The following NPSR1 variants were observed in gnomAD, a reference collection of about 807,000 sequenced individuals.
NPSR1 encodes neuropeptide S receptor.
Under a neutral mutation model 46.9 loss-of-function variants are expected in NPSR1, and 48 were observed. That is an observed-to-expected ratio of 1.02 (90% CI 0.81 to 1.30). The LOEUF (loss-of-function observed/expected upper bound fraction) is 1.30. NPSR1 is among the 50% of genes most tolerant of loss of function. NPSR1 has a pLI of 0.00. For missense variants in NPSR1, 450 were observed against 449.5 expected, an observed-to-expected ratio of 1.00 and a Z score of -0.01; for synonymous variants, 176 against 168.1, an observed-to-expected ratio of 1.05 and a Z score of -0.36.
chr7:34,817,992 C>T (rs887626332), intron 4 of NPSR1, among the ~76,000 whole-genome samples: 1 of 152,118 alleles, frequency 6.6e-6, no homozygotes, highest in Non-Finnish European at 1.5e-5. Flanking sequence ...GAAGCATTCC[C>T]TTTGAAAACC....
intron 8 of NPSR1, among the ~76,000 whole-genome samples, chr7:34,863,474 C>A (rs1025790999): frequency 7.2e-5 from 11 of 151,730 alleles, no homozygotes; most frequent in African/African-American, 2.7e-4. Context: ...TTTTTGCAAT[C>A]TATCCATCTG....
At position 34,751,216 on chromosome 7, in the gene NPSR1, T is replaced by A. The variant is rs1785505858; in HGVS notation, c.281-27246T>A. The A allele has an allele frequency of 2.7e-6, 3 of 1,122,210 alleles. No individual in the cohort carries two copies. The African/African-American group carries it at 4.5e-5, about 17-fold the overall frequency. 69.5% of individuals were successfully genotyped at this position (1,122,210 alleles called of 1,614,324 possible). A position where few individuals can be genotyped will look rare whatever the true frequency, so the allele number is the denominator to read the frequency against. The stretch of plus-strand genomic sequence containing the variant: ...CAGATTGGGAAAGTGGATGGCCAGA[T>A]CCCCAGTGGCAACGATGAGATTAGA... On this transcript the variant is annotated intron_variant, in intron 2 of 8. Coordinates refer to ENST00000360581, the MANE Select transcript of NPSR1 (RefSeq NM_207172.2).
chr7:34,698,863 T>C (rs1793676171), intron 2 of NPSR1, among the ~76,000 whole-genome samples: 1 of 152,178 alleles, frequency 6.6e-6, no homozygotes, highest in Admixed American at 6.5e-5. Context: ...TTTATTAGTA[T>C]AATTTTTAAA....
intron 3 of NPSR1, among the ~76,000 whole-genome samples, chr7:34,779,384 T>C (rs1303181305): frequency 6.6e-6 from 1 of 152,038 alleles, no homozygotes; most frequent in Non-Finnish European, 1.5e-5. Flanking sequence ...CTGATGCTAG[T>C]ACTTCAGGTC....
chr7:34,715,098 G>T (rs1783495970), intron 2 of NPSR1, among the ~76,000 whole-genome samples: 1 of 152,218 alleles, frequency 6.6e-6, no homozygotes, highest in South Asian at 2.1e-4. Flanking sequence ...GTCAGAGCAG[G>T]AATTCTGCAC....
chr7:34,872,904 G>T (rs1326581987), intron 8 of NPSR1, among the ~76,000 whole-genome samples: 1 of 151,690 alleles, frequency 6.6e-6, no homozygotes, highest in Non-Finnish European at 1.5e-5. Flanking sequence ...TTTATGCTGT[G>T]CTTCCCTTTT....
chr7:34,828,293 G>A (rs1789954481), intron 5 of NPSR1, among the ~76,000 whole-genome samples: 1 of 152,216 alleles, frequency 6.6e-6, no homozygotes. Context: ...CACAGTGCCA[G>A]TGGGACAGAA....
chr7:34,728,873 C>T (rs998044386), intron 2 of NPSR1: 1 of 152,560 alleles, frequency 6.6e-6, no homozygotes, highest in Non-Finnish European at 1.5e-5. Flanking sequence ...ATTGCAGCCC[C>T]TTTTTGTTTA....
At chr7:34,864,509 T>C (rs1441058113) in intron 8 of NPSR1, among the ~76,000 whole-genome samples, 1 of 151,820 alleles carries the variant, frequency 6.6e-6, no homozygotes, top group East Asian at 1.9e-4. Flanking sequence ...ATGATTAATG[T>C]ACAAAGATAT....
intron 2 of NPSR1, among the ~76,000 whole-genome samples, chr7:34,770,686 T>C (rs940817397): frequency 1.3e-5 from 2 of 152,152 alleles, no homozygotes; most frequent in Admixed American, 6.5e-5. Flanking sequence ...GTGTTCAACA[T>C]TGAAATGCCA....
chr7:34,746,431 A>G (rs1785206011), intron 2 of NPSR1, among the ~76,000 whole-genome samples: 1 of 152,150 alleles, frequency 6.6e-6, no homozygotes, highest in Non-Finnish European at 1.5e-5. Flanking sequence ...TATGTGCCTG[A>G]TTTATAAATT....
chr7:34,701,954 G>A (rs1052067201), intron 2 of NPSR1, among the ~76,000 whole-genome samples: 5 of 152,080 alleles, frequency 3.3e-5, no homozygotes, highest in East Asian at 1.9e-4. Flanking sequence ...TAGATTCAGC[G>A]CACATAACAT....
intron 3 of NPSR1, chr7:34,779,513 A>T: frequency 1.1e-6 from 1 of 943,838 alleles, no homozygotes; most frequent in Non-Finnish European, 1.5e-6. Flanking sequence ...GTAAAATTTT[A>T]ATTTTTTTCA....
intron 1 of NPSR1, among the ~76,000 whole-genome samples, chr7:34,673,250 CT>C (rs745687499): frequency 1.3e-4 from 20 of 152,282 alleles, no homozygotes; most frequent in Non-Finnish European, 2.9e-4. Flanking sequence ...CACCATCAGA[CT>C]ATAAGCTCCT....
intron 2 of NPSR1, among the ~76,000 whole-genome samples, chr7:34,767,007 T>C (rs1786467610): frequency 1.3e-5 from 2 of 152,120 alleles, no homozygotes; most frequent in African/African-American, 4.8e-5. Context: ...GGGTAGGGAG[T>C]GTGGCTATAA....
At chr7:34,674,330 T>C (rs1792206223) in intron 1 of NPSR1, among the ~76,000 whole-genome samples, 1 of 152,214 alleles carries the variant, frequency 6.6e-6, no homozygotes, top group Non-Finnish European at 1.5e-5. Flanking sequence ...TGCTATCTGC[T>C]CCTACCTGTT....
intron 2 of NPSR1, among the ~76,000 whole-genome samples, chr7:34,696,675 A>G (rs752146653): frequency 3.9e-5 from 6 of 152,044 alleles, no homozygotes; most frequent in Non-Finnish European, 7.4e-5. Context: ...ATGAAAAAAG[A>G]AAGGACAAAA....
At chr7:34,735,689 AGTT>A (rs1037620423) in intron 2 of NPSR1, among the ~76,000 whole-genome samples, 1 of 152,248 alleles carries the variant, frequency 6.6e-6, no homozygotes, top group Non-Finnish European at 1.5e-5. Flanking sequence ...TTGAAACAGT[AGTT>A]AAGGTTTTGA....
In NPSR1 at chr7:34,749,872, G is replaced by A. The variant is rs568219959; in HGVS notation, c.281-28590G>A. 2.9e-3 allele frequency among the ~76,000 whole-genome samples: 443 copies of A among 152,226 alleles called. 5 individuals carry two copies. Among genetic ancestry groups the A allele is most frequent in the African/African-American group, 0.01 (432 of 41,532 alleles). ...AATCTTTTAAGATGACTCTTTCTGT[G>A]TTTGCCCTTAGTCTTTTATTTCTAT... On this transcript the variant is annotated intron_variant, in intron 2 of 8. Coordinates refer to ENST00000360581, the MANE Select transcript of NPSR1 (RefSeq NM_207172.2).
Sources: gnomAD v4.1 joint callset for allele counts (sites outside exome capture counted in the v4.1 genomes callset) on GRCh38, gnomAD v4.1.1 for gene constraint, MANE v1.5 for transcripts, NCBI Gene and HGNC (gene_info 2026-07-23, HGNC 2026-07-21) for gene names.